The following WDR20 variants were observed in gnomAD, a reference collection of about 807,000 sequenced individuals.
WDR20 encodes WD repeat domain 20.
WDR20 carries 3 observed loss-of-function variants against 38.7 expected under a neutral mutation model. The observed-to-expected ratio is 0.08, with a 90% CI of 0.04 to 0.20. The LOEUF (loss-of-function observed/expected upper bound fraction) is 0.20. WDR20 is among the 10% of genes least tolerant of loss of function. WDR20 has a pLI of 1.00. For missense variants in WDR20, 559 were observed against 727.7 expected (o/e 0.77, Z 2.67); for synonymous variants, 298 against 285.6 (o/e 1.04, Z -0.44).
downstream of WDR20, chr14:102,213,062 CCTT>C (rs754979221): frequency 5.4e-4 from 530 of 988,486 alleles, 2 homozygotes; most frequent in Non-Finnish European, 6.2e-4. Context: ...GTGTCAGACA[CCTT>C]CTGAAGGTGC....
intron 2 of WDR20, among the ~76,000 whole-genome samples, chr14:102,200,463 T>TGTG (rs1567022952): frequency 1.6e-4 from 16 of 99,702 alleles, no homozygotes; most frequent in East Asian, 6.7e-4. Context: ...TTAAATTTTT[T>TGTG]TTTTTGTGTG....
chr14:102,154,178 C>A (rs1485115230), intron 1 of WDR20, among the ~76,000 whole-genome samples: 4 of 152,194 alleles, frequency 2.6e-5, no homozygotes, highest in Non-Finnish European at 5.9e-5. Flanking sequence ...AAGAAAAAAT[C>A]TTTCATATAC....
chr14:102,207,052 A>C lies in WDR20; in HGVS notation c.433-1551A>C, dbSNP rs1156413900. Among the ~76,000 whole-genome samples, 1 of 152,176 alleles carries C rather than the reference A, an allele frequency of 6.6e-6. No homozygotes were observed. Among genetic ancestry groups the C allele is most frequent in the Non-Finnish European group, 1.5e-5 (1 of 68,010 alleles). On this transcript the variant is annotated intron_variant, in intron 2 of 2. Transcript: ENST00000342702. This position sits in a 1 kb window ranked among gnomAD's most constrained non-coding sequence, Gnocchi z 5.0. ...AGGTAGGTCACCAGGCAGGAGGATA[A>C]AGAGGAGGTGGGGGATGAAAATACT...
At chr14:102,180,645 A>G (rs1411370571) in intron 1 of WDR20, among the ~76,000 whole-genome samples, 1 of 152,154 alleles carries the variant, frequency 6.6e-6, no homozygotes, top group Non-Finnish European at 1.5e-5. Flanking sequence ...GGGTCTCTTC[A>G]TATTTAAAGA....
At chr14:102,200,465 T>TGGGGTGTGTG (rs1555400497) in intron 2 of WDR20, among the ~76,000 whole-genome samples, 6 of 98,686 alleles carry the variant, frequency 6.1e-5, no homozygotes, top group African/African-American at 2.6e-4. Flanking sequence ...AAATTTTTTT[T>TGGGGTGTGTG]TTTGTGTGTG....
downstream of WDR20, chr14:102,213,380 A>C (rs944900573): frequency 1.0e-6 from 1 of 985,350 alleles, no homozygotes; most frequent in African/African-American, 1.7e-5. Flanking sequence ...ATCATGGTAA[A>C]GGATCTCATT....
At chr14:102,155,526 T>C (rs2792772) in intron 1 of WDR20, among the ~76,000 whole-genome samples, 100,221 of 152,050 alleles carry the variant, frequency 0.66, 36,404 homozygotes, top group East Asian at 0.92. Flanking sequence ...AAAGCAGATA[T>C]AGGAGCTCAG....
chr14:102,198,052 G>T lies in WDR20; in HGVS notation c.432+2932G>T, dbSNP rs2059699571. 9.6e-6 allele frequency: 4 copies of T among 418,148 alleles called. No homozygotes were observed. In the South Asian group the frequency reaches 3.0e-4, roughly 31 times the overall value. 25.9% of individuals were successfully genotyped at this position (418,148 alleles called of 1,614,324 possible). A position where few individuals can be genotyped will look rare whatever the true frequency, so the allele number is the denominator to read the frequency against. The stretch of plus-strand genomic sequence containing the variant: ...GATGGTGACACTTTGTGATGTAAGA[G>T]GCAAGAGAGCAGGCCCAAGAAAGGG... On this transcript the variant is annotated intron_variant, in intron 2 of 2. Transcript: ENST00000342702.
At chr14:102,202,240 C>G (rs1327210746) in intron 2 of WDR20, among the ~76,000 whole-genome samples, 1 of 151,924 alleles carries the variant, frequency 6.6e-6, no homozygotes, top group Non-Finnish European at 1.5e-5. Context: ...GTCTCAGAGG[C>G]CTGTCCTCTG....
intron 1 of WDR20, among the ~76,000 whole-genome samples, chr14:102,154,578 T>C (rs1197944771): frequency 6.6e-6 from 1 of 152,224 alleles, no homozygotes; most frequent in Non-Finnish European, 1.5e-5. Context: ...TGTTTACTTA[T>C]GTATGCATTT....
chr14:102,219,671 G>A (rs1025888552), downstream of WDR20, among the ~76,000 whole-genome samples: 4 of 152,238 alleles, frequency 2.6e-5, no homozygotes, highest in Non-Finnish European at 4.4e-5. Flanking sequence ...GTTTTTCACC[G>A]GTGGCCAACG....
At chr14:102,195,802 A>G (rs1038357353) in intron 2 of WDR20, 1 of 152,242 alleles carries the variant, frequency 6.6e-6, no homozygotes, top group African/African-American at 2.4e-5. Flanking sequence ...TATATTTTTT[A>G]AAGCTGTTGG....
At chr14:102,213,862 G>A (rs191309117), downstream of WDR20, 1 of 985,364 alleles carries the variant, frequency 1.0e-6, no homozygotes, top group East Asian at 1.1e-4. Flanking sequence ...GCTGGAGAAG[G>A]GATCCACGGA....
intron 1 of WDR20, among the ~76,000 whole-genome samples, chr14:102,142,765 CTGT>C (rs1180868932): frequency 4.2e-4 from 44 of 104,178 alleles, no homozygotes; most frequent in African/African-American, 1.8e-3. Context: ...GCACAGTTGG[CTGT>C]TTTGACTTTT....
At chr14:102,153,835 T>C (rs2056736316) in intron 1 of WDR20, among the ~76,000 whole-genome samples, 2 of 152,216 alleles carry the variant, frequency 1.3e-5, no homozygotes, top group African/African-American at 4.8e-5. Flanking sequence ...TCAGAGAACC[T>C]ACTCTTGACC....
At chr14:102,178,445 T>A (rs1049374462) in intron 1 of WDR20, among the ~76,000 whole-genome samples, 1 of 151,796 alleles carries the variant, frequency 6.6e-6, no homozygotes, top group African/African-American at 2.4e-5. Flanking sequence ...CTCAGTGAGT[T>A]CCTTGTAGGA....
At chr14:102,171,521 AC>A (rs1184182654) in intron 1 of WDR20, 4 of 151,396 alleles carry the variant, frequency 2.6e-5, no homozygotes, top group Non-Finnish European at 4.4e-5. Flanking sequence ...GTGAGATTTC[AC>A]CCCATGTTTT....
intron 2 of WDR20, chr14:102,198,190 G>T (rs575597514): frequency 1.0e-5 from 2 of 191,750 alleles, no homozygotes; most frequent in African/African-American, 2.4e-5. Flanking sequence ...GTGCAGTGGC[G>T]CAATCTTGGC....
chr14:102,186,620 T>C (rs925746989), intron 1 of WDR20, among the ~76,000 whole-genome samples: 2 of 151,958 alleles, frequency 1.3e-5, no homozygotes, highest in African/African-American at 4.8e-5. Flanking sequence ...AATCAATCCC[T>C]AACAGGCACT....
Sources: gnomAD v4.1 joint callset for allele counts (sites outside exome capture counted in the v4.1 genomes callset) on GRCh38, gnomAD v4.1.1 for gene constraint, Gnocchi (gnomAD v3.1) non-coding constraint, MANE v1.5 for transcripts, NCBI Gene and HGNC (gene_info 2026-07-23, HGNC 2026-07-21) for gene names.